NCALD: variants seen among roughly 807,000 people sequenced by gnomAD.
The protein encoded by NCALD is neurocalcin delta.
NCALD carries 10 observed loss-of-function variants against 18.6 expected under a neutral mutation model. The ratio of observed to expected loss-of-function variants is 0.54; its 90% CI spans 0.33 to 0.91. The LOEUF (loss-of-function observed/expected upper bound fraction) is 0.91. Ranked by LOEUF, NCALD falls within the 40% of genes least tolerant of loss-of-function variation. The pLI is 0.03. For missense variants in NCALD, 184 were observed against 247.6 expected, an observed-to-expected ratio of 0.74 and a Z score of 1.72; for synonymous variants, 88 against 87.4, an observed-to-expected ratio of 1.01 and a Z score of -0.04.
chr8:102,104,652 C>G (rs1249268828), intron 1 of NCALD, among the ~76,000 whole-genome samples: 1 of 152,114 alleles, frequency 6.6e-6, no homozygotes, highest in Non-Finnish European at 1.5e-5. Context: ...TGTAATAGAC[C>G]TGCAAATGTT....
At chr8:101,768,457 C>T (rs1224867950) in intron 1 of NCALD, among the ~76,000 whole-genome samples, 5 of 152,164 alleles carry the variant, frequency 3.3e-5, no homozygotes, top group Admixed American at 6.5e-5. Context: ...GCCTGTAATC[C>T]CAGCACTTTC....
At chr8:101,792,591 A>G (rs377110917), upstream of NCALD, among the ~76,000 whole-genome samples, 27 of 152,354 alleles carry the variant, frequency 1.8e-4, no homozygotes, top group African/African-American at 6.0e-4. Context: ...CACTAGGGGC[A>G]GATTTCACCA....
chr8:101,692,513 G>T, intron 3 of NCALD: 1 of 985,414 alleles, frequency 1.0e-6, no homozygotes, highest in Non-Finnish European at 1.2e-6. Context: ...ATGGTTTCTT[G>T]GTTCCTTTCA....
chr8:101,980,605 T>C (rs1054865125), intron 2 of NCALD, among the ~76,000 whole-genome samples: 3 of 152,186 alleles, frequency 2.0e-5, no homozygotes, highest in Non-Finnish European at 2.9e-5. Flanking sequence ...CACAAAATAA[T>C]CCTTTTCACG....
intron 2 of NCALD, among the ~76,000 whole-genome samples, chr8:101,974,103 C>G (rs1381990792): frequency 6.9e-6 from 1 of 145,106 alleles, no homozygotes; most frequent in Non-Finnish European, 1.5e-5. Flanking sequence ...CTTTAGCTCT[C>G]CCTGCCCTCA....
At chr8:102,119,832 C>G (rs181814951) in intron 1 of NCALD, among the ~76,000 whole-genome samples, 1 of 152,338 alleles carries the variant, frequency 6.6e-6, no homozygotes, top group African/African-American at 2.4e-5. Context: ...CAGCCTGTAT[C>G]CCTACAACCT....
intron 2 of NCALD, among the ~76,000 whole-genome samples, chr8:101,987,692 G>T (rs995864408): frequency 3.9e-5 from 6 of 152,064 alleles, no homozygotes; most frequent in Non-Finnish European, 8.8e-5. Flanking sequence ...TTACTAGATG[G>T]ATATTCCAGA....
chr8:102,047,510 G>A (rs1823290274), intron 1 of NCALD, among the ~76,000 whole-genome samples: 1 of 152,186 alleles, frequency 6.6e-6, no homozygotes, highest in South Asian at 2.1e-4. Flanking sequence ...TAATGCAACT[G>A]AGAAACTGAA....
intron 3 of NCALD, among the ~76,000 whole-genome samples, chr8:101,898,819 C>T (rs1471674611): frequency 2.0e-5 from 3 of 152,034 alleles, no homozygotes; most frequent in Non-Finnish European, 4.4e-5. Flanking sequence ...AGTGATTTCT[C>T]CTACTTTATT....
At chr8:101,829,268 C>A (rs1311866993) in intron 4 of NCALD, among the ~76,000 whole-genome samples, 2 of 152,144 alleles carry the variant, frequency 1.3e-5, no homozygotes, top group Non-Finnish European at 2.9e-5. Flanking sequence ...CTGAATAACT[C>A]ATCTTAAATT....
chr8:101,947,383 C>A (rs1267455447), intron 2 of NCALD, among the ~76,000 whole-genome samples: 2 of 152,120 alleles, frequency 1.3e-5, no homozygotes, highest in African/African-American at 4.8e-5. Flanking sequence ...ATGTTCCCAC[C>A]CATTTCTCTC....
chr8:101,704,449 T>G (rs954591573), intron 2 of NCALD, among the ~76,000 whole-genome samples: 4 of 151,994 alleles, frequency 2.6e-5, no homozygotes, highest in Non-Finnish European at 5.9e-5. Flanking sequence ...GGATACCGCA[T>G]GAGAAAAGGC....
intron 3 of NCALD, among the ~76,000 whole-genome samples, chr8:101,902,048 C>T (rs913062081): frequency 1.3e-5 from 2 of 152,222 alleles, no homozygotes; most frequent in Admixed American, 1.3e-4. Flanking sequence ...ACCTCAGCCT[C>T]CCAAAGTGCT....
At chr8:101,903,915 G>A (rs574496319) in intron 3 of NCALD, among the ~76,000 whole-genome samples, 14 of 152,294 alleles carry the variant, frequency 9.2e-5, no homozygotes, top group African/African-American at 3.4e-4. Context: ...ACATGGCAAA[G>A]CCATTAACCC....
chr8:102,017,936 T>G (rs1184816885), intron 2 of NCALD, among the ~76,000 whole-genome samples: 1 of 152,198 alleles, frequency 6.6e-6, no homozygotes, highest in Admixed American at 6.5e-5. Context: ...GTGAATGATT[T>G]GAACAGACAC....
intron 4 of NCALD, among the ~76,000 whole-genome samples, chr8:101,844,403 C>A (rs1325127336): frequency 6.0e-5 from 9 of 150,622 alleles, no homozygotes; most frequent in African/African-American, 2.0e-4. Context: ...CTCTTTGATA[C>A]AGGCTGGAGT....
At chr8:101,889,766 T>C (rs1168072221) in intron 3 of NCALD, among the ~76,000 whole-genome samples, 4 of 152,226 alleles carry the variant, frequency 2.6e-5, no homozygotes, top group Admixed American at 6.5e-5. Context: ...TTTTCTTCCT[T>C]GACTTTCTCA....
chr8:102,038,921 T>C (rs1422850509), intron 1 of NCALD, among the ~76,000 whole-genome samples: 1 of 152,172 alleles, frequency 6.6e-6, no homozygotes, highest in Non-Finnish European at 1.5e-5. Flanking sequence ...GACACACACC[T>C]GCTGGCCTGG....
At chr8:101,775,074 T>C (rs1811738225) in intron 1 of NCALD, among the ~76,000 whole-genome samples, 1 of 152,180 alleles carries the variant, frequency 6.6e-6, no homozygotes, top group Admixed American at 6.5e-5. Flanking sequence ...TGTGTAGTGA[T>C]CTGGACTGAG....
Sources: allele counts gnomAD v4.1 joint callset (sites outside exome capture counted in the v4.1 genomes callset), GRCh38; gene constraint gnomAD v4.1.1; transcripts MANE v1.5; gene names NCBI Gene and HGNC (gene_info 2026-07-23, HGNC 2026-07-21).